EFCAB6: variants seen among roughly 807,000 people sequenced by gnomAD.
The protein encoded by EFCAB6 is EF-hand calcium-binding domain-containing protein 6.
In EFCAB6, 156 loss-of-function variants were observed where a neutral mutation model predicts 169.8. The observed-to-expected ratio is 0.92, with a 90% CI of 0.81 to 1.05. The LOEUF is 1.05. EFCAB6 is among the 50% of genes least tolerant of loss of function. The pLI is 0.00. For missense variants in EFCAB6, 1,800 were observed against 1,829.1 expected (o/e 0.98, Z 0.29); for synonymous variants, 698 against 676.4 (o/e 1.03, Z -0.50).
At chr22:43,751,946 C>T (rs1416344984) in intron 6 of EFCAB6, among the ~76,000 whole-genome samples, 2 of 152,122 alleles carry the variant, frequency 1.3e-5, no homozygotes, top group Admixed American at 6.5e-5. Flanking sequence ...GCTCCTAGTA[C>T]GTGCTCAGTG....
chr22:43,672,371 C>T (rs988463760), intron 13 of EFCAB6, 66 bp from the exon 14 acceptor site: 21 of 1,550,492 alleles, frequency 1.4e-5, no homozygotes, highest in Non-Finnish European at 1.8e-5. Context: ...GCTTTGGAGG[C>T]AGGTGGACCT....
intron 24 of EFCAB6, among the ~76,000 whole-genome samples, chr22:43,582,805 A>C (rs2050816275): frequency 1.3e-5 from 2 of 152,146 alleles, no homozygotes. Context: ...TGAAGGTCAA[A>C]AATATTGAAC....
intron 17 of EFCAB6, among the ~76,000 whole-genome samples, chr22:43,647,149 A>G (rs990051685): frequency 4.0e-5 from 6 of 148,430 alleles, no homozygotes; most frequent in Non-Finnish European, 8.9e-5. Flanking sequence ...CTATACAAAA[A>G]CAAATAAAAT....
intron 10 of EFCAB6, among the ~76,000 whole-genome samples, chr22:43,695,503 G>A (rs1384585301): frequency 1.3e-5 from 2 of 151,924 alleles, no homozygotes; most frequent in African/African-American, 4.8e-5. Flanking sequence ...TGACTATATA[G>A]AAAGACAAAG....
chr22:43,632,084 C>T lies in EFCAB6; in HGVS notation c.2232+21G>A, dbSNP rs112443491. ...GCAGGGGAGGCCTAGAGAAGCCCAG[C>T]GCCAGACAGTCACGGTTTACCCGGA... On this transcript the variant is annotated intron_variant, in intron 19 of 31. Transcript: ENST00000262726. 4.2e-3 allele frequency: 6,807 copies of T among 1,611,898 alleles called. 33 individuals are homozygous for T. Among genetic ancestry groups the T allele is most frequent in the Middle Eastern group, 0.033 (197 of 6,032 alleles).
intron 27 of EFCAB6, among the ~76,000 whole-genome samples, chr22:43,551,007 C>A (rs750068946): frequency 1.3e-5 from 2 of 152,148 alleles, no homozygotes; most frequent in Non-Finnish European, 2.9e-5. Flanking sequence ...AGAAAGCTGG[C>A]CCCTCACGTT....
At chr22:43,578,998 C>G (rs1569189597) in intron 25 of EFCAB6, among the ~76,000 whole-genome samples, 74 of 149,074 alleles carry the variant, frequency 5.0e-4, no homozygotes, top group Middle Eastern at 7.2e-3. Context: ...AGGCATCATT[C>G]CGTACACGCA....
chr22:43,574,723 G>A (rs113441449), intron 26 of EFCAB6, among the ~76,000 whole-genome samples: 3,106 of 151,918 alleles, frequency 0.02, 106 homozygotes, highest in African/African-American at 0.071. Context: ...TGGACCAGCA[G>A]AAGGTATTTG....
chr22:43,782,282 A>T lies in EFCAB6; in HGVS notation c.37T>A (p.Ser13Thr). The T allele has an allele frequency of 6.2e-7, 1 of 1,614,106 alleles. No individual in the cohort carries two copies. Among genetic ancestry groups the T allele is most frequent in the Non-Finnish European group, 8.5e-7 (1 of 1,179,996 alleles). Residue 13 changes from serine to threonine, a missense_variant, in exon 3 of 32, where the codon TCG becomes ACG. Coordinates refer to ENST00000262726, the MANE Select transcript of EFCAB6 (RefSeq NM_022785.4). ...KMAIIPDWLR[S>T]HPHTRKFTHS... ...GTAAATTTTCGTGTGTGAGGATGCG[A>T]CCTAAGCCAGTCTGGTATAATCGCC...
chr22:43,626,140 G>A (rs1481179486), intron 20 of EFCAB6, among the ~76,000 whole-genome samples: 4 of 152,136 alleles, frequency 2.6e-5, no homozygotes, highest in African/African-American at 4.8e-5. Flanking sequence ...AGACACACAC[G>A]TATATATGTA....
intron 15 of EFCAB6, 43 bp from the exon 16 acceptor site, chr22:43,669,088 T>A: frequency 6.7e-7 from 1 of 1,495,126 alleles, no homozygotes; most frequent in East Asian, 2.4e-5. Context: ...GTAGAGTAAT[T>A]AAAACGGAAA....
chr22:43,568,671 C>T (rs1251999093), intron 26 of EFCAB6, among the ~76,000 whole-genome samples: 3 of 152,074 alleles, frequency 2.0e-5, no homozygotes, highest in East Asian at 1.9e-4. Flanking sequence ...CAGTGTCCCC[C>T]GCACCATGCA....
intron 23 of EFCAB6, among the ~76,000 whole-genome samples, chr22:43,598,304 T>A: frequency 2.5e-5 from 1 of 39,764 alleles, no homozygotes; most frequent in African/African-American, 1.2e-4. Context: ...TGAGACACTG[T>A]CTCCGGGAAA....
At chr22:43,777,283 G>A (rs550648194) in intron 3 of EFCAB6, among the ~76,000 whole-genome samples, 30 of 152,302 alleles carry the variant, frequency 2.0e-4, no homozygotes, top group African/African-American at 6.0e-4. Flanking sequence ...AGAAAGGTCC[G>A]CGAGGCAACT....
At chr22:43,636,165 TAGG>T (rs887036203) in intron 17 of EFCAB6, among the ~76,000 whole-genome samples, 10 of 152,206 alleles carry the variant, frequency 6.6e-5, no homozygotes, top group African/African-American at 2.4e-4. Context: ...GAAGGCTTTC[TAGG>T]AGAACTGGGT....
chr22:43,786,693 G>A (rs150899990), intron 2 of EFCAB6, among the ~76,000 whole-genome samples: 3,952 of 151,770 alleles, frequency 0.026, 171 homozygotes, highest in African/African-American at 0.091. Context: ...CAGCCTGGGC[G>A]ATAGAGCGAG....
At chr22:43,743,367 C>G (rs1342182233) in intron 6 of EFCAB6, among the ~76,000 whole-genome samples, 1 of 152,192 alleles carries the variant, frequency 6.6e-6, no homozygotes, top group East Asian at 1.9e-4. Flanking sequence ...CCTCCTTCCT[C>G]TCCACAAGGG....
intron 6 of EFCAB6, among the ~76,000 whole-genome samples, chr22:43,746,798 C>A (rs534592494): frequency 6.6e-6 from 1 of 152,268 alleles, no homozygotes; most frequent in East Asian, 1.9e-4. Context: ...TATAAGAAAT[C>A]TTTCCTTTCT....
At chr22:43,688,471 TCAGAGTC>T (rs375831513) in intron 10 of EFCAB6, among the ~76,000 whole-genome samples, 1 of 152,332 alleles carries the variant, frequency 6.6e-6, no homozygotes, top group African/African-American at 2.4e-5. Context: ...GTCCCATGAC[TCAGAGTC>T]CAATAATTTC....
Sources: gnomAD v4.1 joint callset for allele counts (sites outside exome capture counted in the v4.1 genomes callset) on GRCh38, gnomAD v4.1.1 for gene constraint, MANE v1.5 for transcripts, NCBI Gene and HGNC (gene_info 2026-07-23, HGNC 2026-07-21) for gene names.